NPHS1: variants seen among roughly 807,000 people sequenced by gnomAD.
The protein encoded by NPHS1 is NPHS1 adhesion molecule, nephrin.
In NPHS1, 107 loss-of-function variants were observed where a neutral mutation model predicts 139.7. The observed-to-expected ratio is 0.77, with a 90% confidence interval of 0.66 to 0.90. NPHS1 has a LOEUF of 0.90. Ranked by LOEUF, NPHS1 falls within the 40% of genes least tolerant of loss-of-function variation. The pLI is 0.00. For synonymous variants in NPHS1, 707 were observed against 706.6 expected, an observed-to-expected ratio of 1.00 and a Z score of -0.01; for missense variants, 1,580 against 1,654.2, an observed-to-expected ratio of 0.96 and a Z score of 0.78.
chr19:35,842,289 G>A lies in NPHS1; in HGVS notation c.2507-9C>T, dbSNP rs1346422229. ...CTCCACCTGGGGGGCAACTGGGAGGGGATGGGCAGTCAACATGAGCTATGT... is the reference window on the plus strand; with the variant it reads ...CTCCACCTGGGGGGCAACTGGGAGGAGATGGGCAGTCAACATGAGCTATGT... On this transcript the variant is annotated splice_polypyrimidine_tract_variant and intron_variant, in intron 18 of 28. Transcript: ENST00000378910. The A allele has an allele frequency of 3.7e-6, 6 of 1,612,386 alleles. No homozygotes were observed. The South Asian group carries it at 5.5e-5, about 15-fold the overall frequency.
At chr19:35,850,935 C>A in intron 4 of NPHS1, 26 bp downstream of exon 4, 1 of 1,613,386 alleles carries the variant, frequency 6.2e-7, no homozygotes, top group South Asian at 1.1e-5. Context: ...ATGCTGCCCC[C>A]TGCCACCCAG....
chr19:35,830,623 C>T lies in NPHS1; in HGVS notation c.3594+221G>A, dbSNP rs460560. The stretch of plus-strand genomic sequence containing the variant: ...GACAAGTCACTATATTGCCCAGGCT[C>T]GTCTCAAACTTATGGGCTCAAGCGA... On this transcript the variant is annotated intron_variant, in intron 28 of 28. Transcript: ENST00000378910. Among the ~76,000 whole-genome samples the T allele has an allele frequency of 0.7, 106,347 of 152,140 alleles. 37,518 individuals are homozygous for T. The highest frequency in any genetic ancestry group is 0.91 in the East Asian group (4,728 of 5,188).
At chr19:35,831,886 G>A in intron 23 of NPHS1, 124 bp from the exon 24 acceptor site, 7 of 1,043,012 alleles carry the variant, frequency 6.7e-6, no homozygotes, top group Non-Finnish European at 9.9e-6. Flanking sequence ...CAGATGGGCA[G>A]AGGTCTCTGT....
chr19:35,830,307 CT>C (rs1972858745), intron 28 of NPHS1, among the ~76,000 whole-genome samples: 1 of 152,276 alleles, frequency 6.6e-6, no homozygotes, highest in South Asian at 2.1e-4. Context: ...CCTCCACATT[CT>C]TTCACCTTTT....
chr19:35,827,146 T>G (rs952562573), intron 28 of NPHS1, among the ~76,000 whole-genome samples: 21 of 151,890 alleles, frequency 1.4e-4, no homozygotes, highest in African/African-American at 4.1e-4. Context: ...CAGCTAACTT[T>G]TGAATTTTTT....
rs772500641 is a variant in NPHS1 at position 35,850,946 on chromosome 19, T to C, written c.526+15A>G. 1 of 1,613,728 alleles carries C rather than the reference T, an allele frequency of 6.2e-7. No homozygotes were observed. The highest frequency in any genetic ancestry group is 8.5e-7 in the Non-Finnish European group (1 of 1,179,970). On this transcript the variant is annotated intron_variant, in intron 4 of 28. Coordinates refer to ENST00000378910, the MANE Select transcript of NPHS1 (RefSeq NM_004646.4). ...CTTCATGCTGCCCCCTGCCACCCAG[T>C]TCACCCACACTCACTCAGGAGAATG...
At chr19:35,843,425 C>T in intron 17 of NPHS1, 47 bp downstream of exon 17, 1 of 1,612,232 alleles carries the variant, frequency 6.2e-7, no homozygotes, top group Non-Finnish European at 8.5e-7. Context: ...GTCAAGAAAC[C>T]ACAACCCCTT....
intron 28 of NPHS1, among the ~76,000 whole-genome samples, chr19:35,827,776 G>T (rs974572910): frequency 6.6e-6 from 1 of 152,138 alleles, no homozygotes; most frequent in Non-Finnish European, 1.5e-5. Context: ...AATTAGCCGG[G>T]CATGATGGTG....
chr19:35,832,208 A>G (rs1972894679), intron 23 of NPHS1, among the ~76,000 whole-genome samples: 1 of 152,140 alleles, frequency 6.6e-6, no homozygotes, highest in African/African-American at 2.4e-5. Flanking sequence ...GTCTGTCCTC[A>G]AATGTCCTTT....
At chr19:35,850,340 G>T (rs377254891) in intron 5 of NPHS1, 24 bp downstream of exon 5, 124 of 1,596,092 alleles carry the variant, frequency 7.8e-5, no homozygotes, top group Non-Finnish European at 1.0e-4. Context: ...GGTCAAGGTT[G>T]GGGGGTTGTT....
chr19:35,825,493 C>A lies in NPHS1; in HGVS notation c.*1021G>T. Among the ~76,000 whole-genome samples, 1 of 152,158 alleles carries A rather than the reference C, an allele frequency of 6.6e-6. No individual in the cohort carries two copies. Among genetic ancestry groups the A allele is most frequent in the East Asian group, 1.9e-4 (1 of 5,198 alleles). On this transcript the variant is annotated 3_prime_UTR_variant, in exon 29 of 29. Coordinates refer to ENST00000378910, the MANE Select transcript of NPHS1 (RefSeq NM_004646.4). The stretch of plus-strand genomic sequence containing the variant: ...GCACCCGTGCAACCACCACCACAAT[C>A]GTTATATAGAATATTTCCAACACCT...
intron 1 of NPHS1, 35 bp from the exon 2 acceptor site, chr19:35,851,707 G>A (rs763349074): frequency 1.3e-6 from 2 of 1,589,532 alleles, no homozygotes; most frequent in Non-Finnish European, 1.7e-6. Context: ...AAAGGGCAGA[G>A]GGTTTGTCTA....
rs146196581 is a variant in NPHS1, at chr19:35,844,695, A to G, written c.1931-236T>C. Among the ~76,000 whole-genome samples, 543 of 152,272 alleles carry G rather than the reference A, an allele frequency of 3.6e-3. 3 individuals carry two copies. Among genetic ancestry groups the G allele is most frequent in the African/African-American group, 0.012 (513 of 41,556 alleles). ...AGTTTGAAGGATGGAAACAGGAGTC[A>G]TGAGGGGGGTTAGGAGAGAGGACAA... On this transcript the variant is annotated intron_variant, in intron 14 of 28. Transcript: ENST00000378910.
Position 35,849,341 on chromosome 19 carries a change from GATGACAGGGGGTCCTGGAGGGACT to G in NPHS1, c.713-2_734del, listed in dbSNP as rs1226480333. ...GCCCCTCATCCAGGCCTGGCCACTC[GATGACAGGGGGTCCTGGAGGGACT>G]GGGGGATATCAGTCACTCAGTGGGC... On this transcript the variant is annotated splice_acceptor_variant and coding_sequence_variant, in exon 7 of 29. Coordinates refer to ENST00000378910, the MANE Select transcript of NPHS1 (RefSeq NM_004646.4). LOFTEE classifies it high-confidence loss of function. 1 of 1,612,432 alleles carries G rather than the reference GATGACAGGGGGTCCTGGAGGGACT, an allele frequency of 6.2e-7. No homozygotes were observed. The highest frequency in any genetic ancestry group is 1.3e-5 in the African/African-American group (1 of 74,886).
rs2146823232 is a variant in NPHS1 at position 35,845,402 on chromosome 19, T to G, written c.1896A>C (p.Glu632Asp). The G allele has an allele frequency of 1.2e-6, 2 of 1,614,242 alleles. No homozygotes were observed. Among genetic ancestry groups the G allele is most frequent in the East Asian group, 4.5e-5 (2 of 44,886 alleles). ...TCRAHSAELR[E>D]TVSSFYRLNV... is the part of the protein sequence containing the mutation. The stretch of plus-strand genomic sequence containing the variant: ...TGAGGCGATAGAAGGAGCTCACGGT[T>G]TCGCGGAGCTCGGCGCTGTGGGCGC... Residue 632 changes from glutamate to aspartate, a missense_variant, in exon 14 of 29, where the codon GAA (glutamate) becomes GAC (aspartate). By Grantham distance (45) the Glu-to-Asp change is conservative (BLOSUM62 2). Transcript: ENST00000378910. The surrounding 1 kb of genome is among the most constrained non-coding windows in gnomAD (Gnocchi z 5.5).
chr19:35,842,252 G>A lies in NPHS1; in HGVS notation c.2535C>T (p.Pro845=). 1 of 1,613,346 alleles carries A rather than the reference G, an allele frequency of 6.2e-7. No homozygotes were observed. Among genetic ancestry groups the A allele is most frequent in the African/African-American group, 1.3e-5 (1 of 75,038 alleles). Residue 845 remains proline (P), a synonymous_variant, in exon 19 of 29, where the codon CCC becomes CCT. Coordinates refer to ENST00000378910, the MANE Select transcript of NPHS1 (RefSeq NM_004646.4). ...CTCCAGCTGCAGCCACCTTAGTTAG[G>A]GGAGTGGGGTGCTCCACCTGGGGGG... ...RFAPQVEHPT[P]LTKVAAAGDS...
intron 22 of NPHS1, among the ~76,000 whole-genome samples, chr19:35,836,043 T>C (rs868369470): frequency 2.0e-5 from 3 of 146,594 alleles, no homozygotes; most frequent in South Asian, 2.3e-4. Context: ...CACTGAAACC[T>C]CTGCCTCCCG....
rs142031223 is a variant in NPHS1, at chr19:35,849,137, G to A, written c.851C>T (p.Pro284Leu). The change falls in exon 8 of 29, where the codon CCG becomes CTG. Residue 284 changes from proline (P) to leucine (L), a missense_variant. By Grantham distance (98) the Pro-to-Leu change is moderately conservative. Coordinates refer to ENST00000378910, the MANE Select transcript of NPHS1 (RefSeq NM_004646.4). ...ATLQWLKNGQ[P>L]VSTAWGTEHT... ...CTCTGTGCCCCACGCTGTGGACACC[G>A]GCTGGCCATTCTGGAGACAGGGACA... 4.5e-5 allele frequency: 73 copies of A among 1,610,066 alleles called. No homozygotes were observed. The highest frequency in any genetic ancestry group is 5.3e-5 in the Non-Finnish European group (63 of 1,180,032).
chr19:35,837,031 AAAGAAAGAAAGAAAGAAAGAAAG>A (rs1972975214), intron 22 of NPHS1, among the ~76,000 whole-genome samples: 11 of 38,458 alleles, frequency 2.9e-4, no homozygotes, highest in African/African-American at 1.4e-3. Flanking sequence ...AAAAGAAAAG[AAAGAAAGAAAGAAAGAAAGAAAG>A]AAAGAAAGAA....
Sources: gnomAD v4.1 joint callset for allele counts (sites outside exome capture counted in the v4.1 genomes callset) on GRCh38, gnomAD v4.1.1 for gene constraint, Gnocchi (gnomAD v3.1) non-coding constraint, MANE v1.5 for transcripts, NCBI Gene and HGNC (gene_info 2026-07-23, HGNC 2026-07-21) for gene names.